The following NOL10 variants were observed in gnomAD, a reference collection of about 807,000 sequenced individuals.
NOL10 encodes nucleolar protein 10.
Under a neutral mutation model 103.5 loss-of-function variants are expected in NOL10, and 58 were observed. That is an observed-to-expected ratio of 0.56 (90% CI 0.45 to 0.70). NOL10 has a LOEUF of 0.70. Among genes scored for constraint, NOL10 ranks in the 30% least tolerant of loss-of-function variants. The pLI is 0.00. For missense variants in NOL10, 763 were observed against 807.3 expected (o/e 0.95, Z 0.67); for synonymous variants, 287 against 282.5 (o/e 1.02, Z -0.16).
chr2:10,689,561 G>A (rs983363989), intron 1 of NOL10, among the ~76,000 whole-genome samples: 1 of 152,224 alleles, frequency 6.6e-6, no homozygotes, highest in African/African-American at 2.4e-5. Flanking sequence ...TTCCAGCAAA[G>A]CTCACTGACC....
intron 6 of NOL10, 48 bp from the exon 7 acceptor site, chr2:10,668,771 C>CT: frequency 1.3e-6 from 1 of 782,488 alleles, no homozygotes; most frequent in Non-Finnish European, 2.0e-6. Context: ...TACAATGAAA[C>CT]TTTAAGTAAA....
At chr2:10,608,487 G>C (rs891057325) in intron 13 of NOL10, among the ~76,000 whole-genome samples, 4 of 149,948 alleles carry the variant, frequency 2.7e-5, no homozygotes, top group Admixed American at 6.7e-5. Context: ...CAACAGAGAA[G>C]ATATGCTAGC....
intron 13 of NOL10, among the ~76,000 whole-genome samples, chr2:10,638,765 A>C (rs1412212843): frequency 7.0e-6 from 1 of 142,498 alleles, no homozygotes; most frequent in Non-Finnish European, 1.5e-5. Flanking sequence ...TGCTGGGATT[A>C]CAGGCGTTTG....
chr2:10,587,276 T>TATATA lies in NOL10; in HGVS notation c.1844+1766_1844+1767insTATAT, dbSNP rs377101242. On this transcript the variant is annotated intron_variant, in intron 19 of 20. Coordinates refer to ENST00000381685, the MANE Select transcript of NOL10 (RefSeq NM_024894.4). The stretch of plus-strand genomic sequence containing the variant: ...ATATATACACATATATATATATATA[T>TATATA]TTTTTTTTTTTTTGAGATGGAGTCT... Among the ~76,000 whole-genome samples, 5 of 52,728 alleles carry TATATA rather than the reference T, an allele frequency of 9.5e-5. 1 individual carries two copies. The highest frequency in any genetic ancestry group is 8.8e-4 in the East Asian group (1 of 1,134). The allele number at this position is 52,728 out of a possible 152,430, so 34.6% of individuals were successfully genotyped here. A position where few individuals can be genotyped will look rare whatever the true frequency, so the allele number is the denominator to read the frequency against.
At chr2:10,617,088 A>G (rs1405032954) in intron 13 of NOL10, among the ~76,000 whole-genome samples, 2 of 152,194 alleles carry the variant, frequency 1.3e-5, no homozygotes, top group East Asian at 3.8e-4. Context: ...GGCAGTGGAG[A>G]GTATGACAGA....
intron 20 of NOL10, among the ~76,000 whole-genome samples, chr2:10,576,593 A>G (rs1674463601): frequency 6.6e-6 from 1 of 152,274 alleles, no homozygotes; most frequent in Non-Finnish European, 1.5e-5. Flanking sequence ...CATTATGCTC[A>G]GTGAAAGAAG....
chr2:10,689,743 G>T, intron 1 of NOL10, 53 bp downstream of exon 1: 1 of 1,529,076 alleles, frequency 6.5e-7, no homozygotes, highest in Non-Finnish European at 8.9e-7. Flanking sequence ...GCTGCCCCAC[G>T]AGGAGGACGA....
intron 13 of NOL10, among the ~76,000 whole-genome samples, chr2:10,627,713 C>CA (rs1677569076): frequency 6.7e-6 from 1 of 149,364 alleles, no homozygotes; most frequent in Non-Finnish European, 1.5e-5. Flanking sequence ...AAAAAACAAA[C>CA]AACAACAACA....
chr2:10,600,808 A>G (rs1428968875), intron 17 of NOL10, 45 bp downstream of exon 17: 1 of 1,245,414 alleles, frequency 8.0e-7, no homozygotes, highest in African/African-American at 1.5e-5. Context: ...GTAAGTTACT[A>G]TCAACAAAAC....
intron 19 of NOL10, among the ~76,000 whole-genome samples, chr2:10,584,001 C>G (rs1232700927): frequency 1.3e-5 from 2 of 152,148 alleles, no homozygotes; most frequent in African/African-American, 4.8e-5. Context: ...TCGTGGCTTT[C>G]CAGTGCTTGC....
At chr2:10,637,029 C>T (rs1678280303) in intron 13 of NOL10, among the ~76,000 whole-genome samples, 1 of 151,834 alleles carries the variant, frequency 6.6e-6, no homozygotes, top group South Asian at 2.1e-4. Flanking sequence ...CAGCAAAACC[C>T]CATGTCTACT....
At chr2:10,671,833 A>T in intron 5 of NOL10, 143 bp from the exon 6 acceptor site, 1 of 587,704 alleles carries the variant, frequency 1.7e-6, no homozygotes, top group Non-Finnish European at 3.0e-6. Context: ...ATGCACACAC[A>T]CTCCACTGGG....
intron 14 of NOL10, 118 bp downstream of exon 14, chr2:10,607,067 G>A (rs975495170): frequency 1.8e-6 from 1 of 555,994 alleles, no homozygotes; most frequent in South Asian, 5.0e-5. Context: ...TGATTTGGCA[G>A]AAAGGGAAGA....
chr2:10,636,077 A>G (rs1678187346), intron 13 of NOL10, among the ~76,000 whole-genome samples: 2 of 152,022 alleles, frequency 1.3e-5, no homozygotes, highest in South Asian at 2.1e-4. Flanking sequence ...TAGTAGAGAC[A>G]GGGTTTCGCC....
intron 13 of NOL10, among the ~76,000 whole-genome samples, chr2:10,631,627 T>A (rs1049042259): frequency 1.1e-4 from 17 of 152,104 alleles, no homozygotes; most frequent in African/African-American, 4.1e-4. Flanking sequence ...CAGATGTGGC[T>A]GACAAGAAGG....
At chr2:10,666,489 C>T (rs866394956) in intron 8 of NOL10, among the ~76,000 whole-genome samples, 9 of 152,028 alleles carry the variant, frequency 5.9e-5, no homozygotes, top group South Asian at 4.1e-4. Context: ...CCACCACACC[C>T]GGCTAATTTT....
chr2:10,684,560 T>C lies in NOL10; in HGVS notation c.112+7A>G, dbSNP rs780668418. The C allele has an allele frequency of 6.4e-6, 10 of 1,571,680 alleles. No individual in the cohort carries two copies. The South Asian group carries it at 1.1e-4, about 17-fold the overall frequency. ...ACGCAGCTGAAGTGGGAAAAAACAA[T>C]ACTCACCTACATCTTTCTTCTGTAG... On this transcript the variant is annotated splice_region_variant and intron_variant, in intron 2 of 20. Coordinates refer to ENST00000381685, the MANE Select transcript of NOL10 (RefSeq NM_024894.4).
intron 1 of NOL10, among the ~76,000 whole-genome samples, chr2:10,688,989 T>C (rs929483059): frequency 6.6e-6 from 1 of 152,208 alleles, no homozygotes; most frequent in Non-Finnish European, 1.5e-5. Context: ...TGGCATGCTA[T>C]AAGGTGACAT....
At chr2:10,594,919 C>T (rs962780887) in intron 17 of NOL10, among the ~76,000 whole-genome samples, 1 of 152,068 alleles carries the variant, frequency 6.6e-6, no homozygotes, top group Admixed American at 6.6e-5. Flanking sequence ...ATCACTTAAG[C>T]CCGAGAGACT....
Sources: gnomAD v4.1 joint callset for allele counts (sites outside exome capture counted in the v4.1 genomes callset) on GRCh38, gnomAD v4.1.1 for gene constraint, MANE v1.5 for transcripts, NCBI Gene and HGNC (gene_info 2026-07-23, HGNC 2026-07-21) for gene names.